The following INPP4B variants were observed in gnomAD, a reference collection of about 807,000 sequenced individuals.
The protein encoded by INPP4B is inositol polyphosphate 4-phosphatase type II.
A neutral mutation model predicts 122.5 loss-of-function variants in INPP4B; 55 were observed. The ratio of observed to expected loss-of-function variants is 0.45; its 90% CI spans 0.36 to 0.56. INPP4B has a LOEUF of 0.56. Ranked by LOEUF, INPP4B falls within the 20% of genes least tolerant of loss-of-function variation. INPP4B has a pLI of 0.00. For synonymous variants in INPP4B, 403 were observed against 388.7 expected, an observed-to-expected ratio of 1.04 and a Z score of -0.43; for missense variants, 1,000 against 1,097.7, an observed-to-expected ratio of 0.91 and a Z score of 1.26.
At chr4:142,551,117 A>T (rs1020283957) in intron 2 of INPP4B, among the ~76,000 whole-genome samples, 2 of 152,228 alleles carry the variant, frequency 1.3e-5, no homozygotes, top group African/African-American at 4.8e-5. Flanking sequence ...TTGTGGTTTT[A>T]TGAAGTGGCC....
chr4:142,403,502 C>T lies in INPP4B; in HGVS notation c.256-448G>A, dbSNP rs1241421148. Among the ~76,000 whole-genome samples the T allele has an allele frequency of 3.3e-5, 5 of 152,122 alleles. No individual in the cohort carries two copies. The East Asian group carries it at 7.7e-4, about 23-fold the overall frequency. ...TGTAATGATTCAATTGAAAATCATGCTCTGATAGTGTCCATTTGTTTTTAG... is the reference window on the plus strand; with the variant it reads ...TGTAATGATTCAATTGAAAATCATGTTCTGATAGTGTCCATTTGTTTTTAG... On this transcript the variant is annotated intron_variant, in intron 6 of 25. Transcript: ENST00000262992.
intron 2 of INPP4B, among the ~76,000 whole-genome samples, chr4:142,680,621 A>C (rs953682648): frequency 6.6e-6 from 1 of 151,968 alleles, no homozygotes. Flanking sequence ...CCTGCATGCT[A>C]TTTAGAAGTG....
intron 2 of INPP4B, among the ~76,000 whole-genome samples, chr4:142,725,150 A>G (rs188995177): frequency 1.3e-5 from 2 of 152,096 alleles, no homozygotes; most frequent in Non-Finnish European, 2.9e-5. Flanking sequence ...CCATACTCAC[A>G]CTTTGTGTAC....
intron 2 of INPP4B, among the ~76,000 whole-genome samples, chr4:142,581,153 T>A (rs1734965618): frequency 2.0e-5 from 3 of 151,984 alleles, no homozygotes; most frequent in Admixed American, 1.3e-4. Context: ...GAAAAATGCA[T>A]CAGGTTAAAA....
intron 2 of INPP4B, among the ~76,000 whole-genome samples, chr4:142,598,561 GC>G (rs1739204586): frequency 6.6e-6 from 1 of 152,100 alleles, no homozygotes; most frequent in African/African-American, 2.4e-5. Context: ...ATGCTGGAGA[GC>G]CCCCAGTACT....
chr4:142,291,502 T>C (rs1424088181), intron 9 of INPP4B, among the ~76,000 whole-genome samples: 1 of 152,184 alleles, frequency 6.6e-6, no homozygotes, highest in Non-Finnish European at 1.5e-5. Context: ...ATTAGTCACA[T>C]GTTTGACTCA....
intron 2 of INPP4B, among the ~76,000 whole-genome samples, chr4:142,533,735 A>T (rs1827881556): frequency 6.6e-6 from 1 of 152,196 alleles, no homozygotes; most frequent in African/African-American, 2.4e-5. Flanking sequence ...AAACATGTTT[A>T]TAAGAATATG....
chr4:142,224,992 G>T (rs1037331368), intron 12 of INPP4B, among the ~76,000 whole-genome samples: 3 of 152,094 alleles, frequency 2.0e-5, no homozygotes, highest in Non-Finnish European at 4.4e-5. Flanking sequence ...TGGATTGAAG[G>T]ATGCAAAGTA....
At chr4:142,701,865 C>T (rs1580735151) in intron 2 of INPP4B, among the ~76,000 whole-genome samples, 1 of 152,138 alleles carries the variant, frequency 6.6e-6, no homozygotes, top group Non-Finnish European at 1.5e-5. Flanking sequence ...TGAATGAACA[C>T]AATAAATATT....
At position 142,024,216 on chromosome 4, in the gene INPP4B, G is replaced by T. The variant is rs574932799; in HGVS notation, c.*4566C>A. ...TGCTATAGGTGGCATCTCTGTGAACGCAGAGCTCTAAATTAAAACTGCCAA... is the reference window on the plus strand; with the variant it reads ...TGCTATAGGTGGCATCTCTGTGAACTCAGAGCTCTAAATTAAAACTGCCAA... On this transcript the variant is annotated 3_prime_UTR_variant, in exon 26 of 26. Coordinates refer to ENST00000262992, the MANE Select transcript of INPP4B (RefSeq NM_001101669.3). The T allele has an allele frequency of 6.6e-6, 1 of 151,972 alleles. No individual in the cohort carries two copies. The highest frequency in any genetic ancestry group is 2.4e-5 in the African/African-American group (1 of 41,372). 9.4% of individuals were successfully genotyped at this position (151,972 alleles called of 1,614,324 possible).
chr4:142,458,707 G>A (rs1049019481), intron 3 of INPP4B, among the ~76,000 whole-genome samples: 2 of 152,094 alleles, frequency 1.3e-5, no homozygotes, highest in South Asian at 2.1e-4. Flanking sequence ...AGTCCCAGTC[G>A]CCACGACTTA....
chr4:142,028,893 A>G lies in INPP4B; in HGVS notation c.2664T>C (p.Asn888=). 1 of 1,612,698 alleles carries G rather than the reference A, an allele frequency of 6.2e-7. No homozygotes were observed. Among genetic ancestry groups the G allele is most frequent in the South Asian group, 1.1e-5 (1 of 90,864 alleles). The change falls in exon 26 of 26, where the codon AAT becomes AAC. Residue 888 remains asparagine (N), a synonymous_variant. Transcript: ENST00000262992. ...CMRREGCRIE[N]VLKNIKCRKY... is the part of the protein sequence containing the mutation. ...TTCTGCATTTGATATTCTTCAGTACATTCTCTATGCGGCATCCTTCTCTGG... is the reference window on the plus strand; with the variant it reads ...TTCTGCATTTGATATTCTTCAGTACGTTCTCTATGCGGCATCCTTCTCTGG...
intron 7 of INPP4B, among the ~76,000 whole-genome samples, chr4:142,381,904 T>C (rs1794227953): frequency 6.6e-6 from 1 of 152,104 alleles, no homozygotes; most frequent in Non-Finnish European, 1.5e-5. Context: ...TCTTTTTGTC[T>C]ATTACAATTA....
chr4:142,427,947 A>C (rs1040843503), intron 5 of INPP4B, among the ~76,000 whole-genome samples: 1 of 151,892 alleles, frequency 6.6e-6, no homozygotes, highest in Non-Finnish European at 1.5e-5. Context: ...GAGAGGGAGA[A>C]AAAAATAATA....
chr4:142,054,415 T>C (rs779387329), intron 25 of INPP4B, among the ~76,000 whole-genome samples: 1 of 152,074 alleles, frequency 6.6e-6, no homozygotes, highest in Non-Finnish European at 1.5e-5. Context: ...TAAACTTAAA[T>C]TGAGACTGAA....
At chr4:142,308,780 C>T (rs10014644) in intron 8 of INPP4B, among the ~76,000 whole-genome samples, 33,918 of 151,572 alleles carry the variant, frequency 0.22, 4,294 homozygotes, top group African/African-American at 0.36. Context: ...TCTGAATATC[C>T]TTTGGTGCTG....
intron 1 of INPP4B, among the ~76,000 whole-genome samples, chr4:142,736,222 A>C (rs2150899118): frequency 6.6e-6 from 1 of 152,316 alleles, no homozygotes; most frequent in Non-Finnish European, 1.5e-5. Flanking sequence ...TTAAAGTTTC[A>C]GAAACTTGCT....
intron 7 of INPP4B, among the ~76,000 whole-genome samples, chr4:142,398,402 ATATATATATATATAT>A (rs1486612016): frequency 1.4e-3 from 9 of 6,388 alleles, no homozygotes; most frequent in African/African-American, 2.7e-3. Flanking sequence ...AAAAAAAAAA[ATATATATATATATAT>A]ATATATATAT....
chr4:142,583,448 T>A (rs1457255716), intron 2 of INPP4B: 1 of 152,154 alleles, frequency 6.6e-6, no homozygotes, highest in Non-Finnish European at 1.5e-5. Flanking sequence ...TCTCTTTCCA[T>A]AAGGTATCAA....
Sources: gnomAD v4.1 joint callset for allele counts (sites outside exome capture counted in the v4.1 genomes callset) on GRCh38, gnomAD v4.1.1 for gene constraint, MANE v1.5 for transcripts, NCBI Gene and HGNC (gene_info 2026-07-23, HGNC 2026-07-21) for gene names.